The following ABCA2 variants were observed in gnomAD, a reference collection of about 807,000 sequenced individuals.
The protein encoded by ABCA2 is ATP-binding cassette sub-family A member 2.
ABCA2 carries 84 observed loss-of-function variants against 262.8 expected under a neutral mutation model. The ratio of observed to expected loss-of-function variants is 0.32; its 90% CI spans 0.27 to 0.38. The LOEUF (loss-of-function observed/expected upper bound fraction) is 0.38, where lower values mean the gene tolerates loss of function less well. Among genes scored for constraint, ABCA2 ranks in the 10% least tolerant of loss-of-function variants. ABCA2 has a pLI of 1.00. For missense variants in ABCA2, 2,662 were observed against 3,405.9 expected (o/e 0.78, Z 5.44); for synonymous variants, 1,696 against 1,502.9 (o/e 1.13, Z -2.97).
chr9:137,012,721 C>T lies in ABCA2; in HGVS notation c.5072G>A (p.Arg1691Gln), dbSNP rs752560250. The change falls in exon 31 of 49, where the codon CGA (arginine) becomes CAA (glutamine). Residue 1691 changes from arginine to glutamine, a missense_variant. By Grantham distance (43) the Arg-to-Gln change is conservative. Around this residue, in one of 12 missense-constraint regions of ABCA2, gnomAD observed 602 missense variants for 897.4 expected, o/e 0.67. Transcript: ENST00000341511. ...EYLLFTSDRF[R>Q]LHRYGAITFG... ...TCCCCACCCAGCTCACCGGTGCAGT[C>T]GGAAGCGGTCGGAGGTGAAGAGCAG... The T allele has an allele frequency of 6.2e-7, 1 of 1,612,452 alleles. No homozygotes were observed. The highest frequency in any genetic ancestry group is 8.5e-7 in the Non-Finnish European group (1 of 1,179,806).
chr9:137,012,151 T>C lies in ABCA2; in HGVS notation c.5311A>G (p.Thr1771Ala). Reference protein sequence around the residue: ...GNPAAYGITVTNHPMNKTSAS... With the variant: ...GNPAAYGITVANHPMNKTSAS... ...CTGGTCTTATTCATGGGGTGGTTGGTGACGGTGATGCCTGCACACGGCGGG... is the reference window on the plus strand; with the variant it reads ...CTGGTCTTATTCATGGGGTGGTTGGCGACGGTGATGCCTGCACACGGCGGG... The change falls in exon 34 of 49, where the codon ACC becomes GCC. Residue 1771 changes from threonine (T) to alanine (A), a missense_variant. Thr to Ala is a moderately conservative substitution (Grantham distance 58). Around this residue, in one of 12 missense-constraint regions of ABCA2, gnomAD observed 602 missense variants for 897.4 expected, o/e 0.67. Transcript: ENST00000341511. The C allele has an allele frequency of 6.2e-7, 1 of 1,611,996 alleles. No homozygotes were observed. Among genetic ancestry groups the C allele is most frequent in the Middle Eastern group, 1.7e-4 (1 of 6,058 alleles).
chr9:137,022,073 A>ATGGACGTG, intron 6 of ABCA2, 72 bp from the exon 7 acceptor site: 1 of 456,110 alleles, frequency 2.2e-6, no homozygotes. Context: ...CGTGGCTCCG[A>ATGGACGTG]TGGACGTGTG....
rs1831459631 is a variant in ABCA2 at position 137,021,703 on chromosome 9, G to A, written c.679-93C>T. On this transcript the variant is annotated intron_variant, in intron 7 of 48. Coordinates refer to ENST00000341511, the MANE Select transcript of ABCA2 (RefSeq NM_001606.5). This position sits in a 1 kb window ranked among gnomAD's most constrained non-coding sequence, Gnocchi z 6.0. ...CCTCACCCTGCCCCACCCACTGGCTGGCTCTGGGGCTGCCTGGGTCCCACG... is the reference window on the plus strand; with the variant it reads ...CCTCACCCTGCCCCACCCACTGGCTAGCTCTGGGGCTGCCTGGGTCCCACG... 2.9e-6 allele frequency: 4 copies of A among 1,383,812 alleles called. No individual in the cohort carries two copies. In the Admixed American group the frequency reaches 8.3e-5, roughly 29 times the overall value. The allele number at this position is 1,383,812 out of a possible 1,614,324, so 85.7% of individuals were successfully genotyped here.
At chr9:137,025,407 C>A (rs1239610437) in intron 1 of ABCA2, among the ~76,000 whole-genome samples, 1 of 152,208 alleles carries the variant, frequency 6.6e-6, no homozygotes, top group Admixed American at 6.5e-5. Flanking sequence ...GCACCCAGCT[C>A]GGAGGCATCC....
chr9:137,014,858 G>A lies in ABCA2; in HGVS notation c.3883-48C>T, dbSNP rs770962390. On this transcript the variant is annotated intron_variant, in intron 25 of 48. Transcript: ENST00000341511. Reference sequence around the variant, plus strand: ...GGCTGCGGCAGGGACGCCCAGGCAGGAGTGCGCCCACCTCCACCACCTGCA... The same window carrying A: ...GGCTGCGGCAGGGACGCCCAGGCAGAAGTGCGCCCACCTCCACCACCTGCA... 32 of 1,579,752 alleles carry A rather than the reference G, an allele frequency of 2.0e-5. 2 individuals are homozygous for A. Among genetic ancestry groups the A allele is most frequent in the Middle Eastern group, 3.3e-4 (2 of 5,984 alleles).
Position 137,008,874 on chromosome 9 carries a change from G to A in ABCA2, c.6931-6C>T. On this transcript the variant is annotated splice_polypyrimidine_tract_variant and splice_region_variant and intron_variant, in intron 46 of 48. Transcript: ENST00000341511. ...ACCTTTGTGTGGTGCCGCTCCTGCA[G>A]GGGGGGAGGTCAGAGGCCTGGCAGC... The A allele has an allele frequency of 1.9e-6, 3 of 1,602,726 alleles. No individual in the cohort carries two copies. The highest frequency in any genetic ancestry group is 8.5e-7 in the Non-Finnish European group (1 of 1,178,998).
chr9:137,015,153 C>T (rs1392327347), intron 24 of ABCA2, 56 bp from the exon 25 acceptor site: 1 of 1,516,822 alleles, frequency 6.6e-7, no homozygotes, highest in African/African-American at 1.4e-5. Context: ...AGGAGGGACC[C>T]CCAATGGGAA....
At position 137,028,009 on chromosome 9, in the gene ABCA2, G is replaced by T; in HGVS notation, c.66+66C>A. ...CCCGGCCGTCCGCACGTGCGCGCGG[G>T]GAGCGCGCCTCTGGCCGCGGTGCGC... On this transcript the variant is annotated intron_variant, in intron 1 of 48. Transcript: ENST00000341511. The surrounding 1 kb of genome is among the most constrained non-coding windows in gnomAD (Gnocchi z 6.9). 1.1e-6 allele frequency: 1 copy of T among 887,106 alleles called. No individual in the cohort carries two copies. Among genetic ancestry groups the T allele is most frequent in the South Asian group, 4.9e-5 (1 of 20,276 alleles). The allele number at this position is 887,106 out of a possible 1,614,324, so 55.0% of individuals were successfully genotyped here. A position where few individuals can be genotyped will look rare whatever the true frequency, so the allele number is the denominator to read the frequency against.
At position 137,013,025 on chromosome 9, in the gene ABCA2, G is replaced by A; in HGVS notation, c.4844C>T (p.Ser1615Phe). 1 of 1,515,604 alleles carries A rather than the reference G, an allele frequency of 6.6e-7. No homozygotes were observed. The allele number at this position is 1,515,604 out of a possible 1,614,324, so 93.9% of individuals were successfully genotyped here. Residue 1615 changes from serine (S) to phenylalanine (F), a missense_variant, in exon 30 of 49, where the codon TCC (serine) becomes TTC (phenylalanine). Around this residue, in one of 12 missense-constraint regions of ABCA2, gnomAD observed 192 missense variants for 207.2 expected, o/e 0.93. Coordinates refer to ENST00000341511, the MANE Select transcript of ABCA2 (RefSeq NM_001606.5). ...PDEDLQAWNV[S>F]LPPTAGPEMW... ...ACCTGGCCCAGCGGTGGGCGGCAGG[G>A]AGACGTTCCAGGCCTGCAGGTCCTC... is the stretch of plus-strand genomic sequence containing the variant.
intron 1 of ABCA2, among the ~76,000 whole-genome samples, 197 bp from the exon 2 acceptor site, chr9:137,024,433 C>A (rs1831582868): frequency 6.6e-6 from 1 of 152,208 alleles, no homozygotes; most frequent in African/African-American, 2.4e-5. Context: ...TCTGGCTCAG[C>A]AAATCAGGTT....
chr9:137,017,240 C>T lies in ABCA2; in HGVS notation c.2509G>A (p.Glu837Lys). The change falls in exon 18 of 49, where the codon GAG (glutamate) becomes AAG (lysine). Residue 837 changes from glutamate to lysine, a missense_variant. Around this residue, in one of 12 missense-constraint regions of ABCA2, gnomAD observed 188 missense variants for 343.4 expected, o/e 0.55. Coordinates refer to ENST00000341511, the MANE Select transcript of ABCA2 (RefSeq NM_001606.5). ...GCCGTGATCTTATCATGCGCCACCT[C>T]CTCTCGGATCGCCACGTACATGTAG... Reference protein sequence around the residue: ...VPYMYVAIREEVAHDKITAFE... With the variant: ...VPYMYVAIREKVAHDKITAFE... 1 of 1,612,720 alleles carries T rather than the reference C, an allele frequency of 6.2e-7. No individual in the cohort carries two copies. Among genetic ancestry groups the T allele is most frequent in the Non-Finnish European group, 8.5e-7 (1 of 1,179,926 alleles).
chr9:137,020,741 G>A lies in ABCA2; in HGVS notation c.1218C>T (p.Phe406=), dbSNP rs766430952. 10 of 1,601,982 alleles carry A rather than the reference G, an allele frequency of 6.2e-6. No homozygotes were observed. The highest frequency in any genetic ancestry group is 4.0e-5 in the African/African-American group (3 of 74,904). The part of the protein sequence containing the change: ...PDTLQGQCSA[F]VQLWAGLQPI... ...GCTGCAGGCCGGCCCAGAGCTGTAC[G>A]AAGGCTGAGCACTGGCCCTGCAGCG... The change falls in exon 9 of 49, where the codon TTC becomes TTT. Residue 406 remains phenylalanine (F), a synonymous_variant. Transcript: ENST00000341511.
chr9:137,012,598 G>A lies in ABCA2; in HGVS notation c.5082-8C>T. ...AAGGTGATGGCCCCATACCTGGGCA[G>A]GCAGGTGGGAGGGGCGGTGAGGCTA... On this transcript the variant is annotated splice_region_variant and splice_polypyrimidine_tract_variant and intron_variant, in intron 31 of 48. Coordinates refer to ENST00000341511, the MANE Select transcript of ABCA2 (RefSeq NM_001606.5). 1 of 1,611,440 alleles carries A rather than the reference G, an allele frequency of 6.2e-7. No homozygotes were observed. Among genetic ancestry groups the A allele is most frequent in the Admixed American group, 1.7e-5 (1 of 60,024 alleles).
chr9:137,009,733 G>A, intron 43 of ABCA2, 36 bp downstream of exon 43: 2 of 1,608,674 alleles, frequency 1.2e-6, no homozygotes, highest in South Asian at 1.1e-5. Flanking sequence ...GGAAGTCAAA[G>A]GCCAGGCAGC....
At position 137,009,603 on chromosome 9, in the gene ABCA2, G is replaced by T. The variant is rs1469349981; in HGVS notation, c.6672C>A (p.Phe2224Leu). ...TGAGGTCAAGGATGAGGTTCCAGAG[G>T]AAGCGCCGGGCCTTGGGGTCCATGC... ...TTGMDPKARR[F>L]LWNLILDLIK... Residue 2224 changes from phenylalanine to leucine, a missense_variant, in exon 44 of 49, where the codon TTC becomes TTA. Physicochemically the swap from Phe to Leu is conservative, Grantham distance 22 (BLOSUM62 0). Transcript: ENST00000341511. The T allele has an allele frequency of 6.2e-7, 1 of 1,612,892 alleles. No individual in the cohort carries two copies.
intron 6 of ABCA2, 93 bp from the exon 7 acceptor site, chr9:137,022,094 T>C (rs1222190322): frequency 2.1e-6 from 1 of 483,836 alleles, no homozygotes; most frequent in African/African-American, 3.1e-5. Context: ...GGGGCGTGGC[T>C]TAGATGGTGG....
At position 137,014,175 on chromosome 9, in the gene ABCA2, G is replaced by T. The variant is rs778325091; in HGVS notation, c.4233C>A (p.Ser1411Arg). 4.4e-6 allele frequency: 7 copies of T among 1,607,116 alleles called. No homozygotes were observed. The African/African-American group carries it at 9.4e-5, about 21-fold the overall frequency. Residue 1411 changes from serine to arginine, a missense_variant, in exon 27 of 49, where the codon AGC becomes AGA. By Grantham distance (110) the Ser-to-Arg change is moderately radical (BLOSUM62 -1). Transcript: ENST00000341511. The part of the protein sequence containing the change: ...FDNPQDPDNV[S>R]LQEVEAEALS... Reference sequence around the variant, plus strand: ...TCACCCTGCCACCCCCACCTTGCAGGCTGACATTGTCTGGGTCCTGTGGGT... The same window carrying T: ...TCACCCTGCCACCCCCACCTTGCAGTCTGACATTGTCTGGGTCCTGTGGGT...
At position 137,014,789 on chromosome 9, in the gene ABCA2, C is replaced by T. The variant is rs1588514456; in HGVS notation, c.3904G>A (p.Ala1302Thr). The T allele has an allele frequency of 6.2e-7, 1 of 1,601,284 alleles. No individual in the cohort carries two copies. Among genetic ancestry groups the T allele is most frequent in the East Asian group, 2.2e-5 (1 of 44,500 alleles). Residue 1302 changes from alanine to threonine, a missense_variant, in exon 26 of 49, where the codon GCA becomes ACA. Physicochemically the swap from Ala to Thr is moderately conservative, Grantham distance 58. Coordinates refer to ENST00000341511, the MANE Select transcript of ABCA2 (RefSeq NM_001606.5). ...AGCCCGAAGCTGCTGAGGTGCAGTG[C>T]ATCCAGGCTGCGCTCCAGGTGCTGC... Reference protein sequence around the residue: ...LFQHLERSLDALHLSSFGLMD... With the variant: ...LFQHLERSLDTLHLSSFGLMD...
chr9:137,016,030 C>T lies in ABCA2; in HGVS notation c.3249G>A (p.Glu1083=), dbSNP rs752674566. The change falls in exon 22 of 49, where the codon GAG becomes GAA. Residue 1083 remains glutamate, a synonymous_variant. Transcript: ENST00000341511. The part of the protein sequence containing the change: ...HNVLFDRLTV[E]EHLWFYSRLK... ...GCCGTGAGTAGAACCAGAGGTGTTC[C>T]TCCACCGTGAGCCGGTCAAAGAGCA... 1.2e-6 allele frequency: 2 copies of T among 1,610,066 alleles called. No individual in the cohort carries two copies. Among genetic ancestry groups the T allele is most frequent in the Non-Finnish European group, 1.7e-6 (2 of 1,178,642 alleles).
Sources: gnomAD v4.1 joint callset for allele counts (sites outside exome capture counted in the v4.1 genomes callset) on GRCh38, gnomAD v4.1.1 for gene constraint, gnomAD v4.1.1 regional missense constraint, Gnocchi (gnomAD v3.1) non-coding constraint, MANE v1.5 for transcripts, NCBI Gene and HGNC (gene_info 2026-07-23, HGNC 2026-07-21) for gene names.